The following RNASET2 variants were observed in gnomAD, a reference collection of about 807,000 sequenced individuals.
RNASET2 encodes ribonuclease T2.
In RNASET2, 28 loss-of-function variants were observed where a neutral mutation model predicts 33.9. That is an observed-to-expected ratio of 0.83 (90% CI 0.61 to 1.13). The LOEUF (loss-of-function observed/expected upper bound fraction) is 1.13. Among genes scored for constraint, RNASET2 ranks in the 50% most tolerant of loss-of-function variants. The pLI, the probability that RNASET2 is intolerant of heterozygous loss-of-function variation, is 0.00. For synonymous variants in RNASET2, 123 were observed against 121.0 expected (o/e 1.02, Z -0.11); for missense variants, 330 against 319.9 (o/e 1.03, Z -0.24).
At position 166,947,821 on chromosome 6, in the gene RNASET2, T is replaced by C. The variant is rs2128646551; in HGVS notation, c.203+749A>G. Among the ~76,000 whole-genome samples the C allele has an allele frequency of 2.6e-5, 4 of 152,344 alleles. 1 individual carries two copies. The highest frequency in any genetic ancestry group is 2.6e-4 in the Admixed American group (4 of 15,298). On this transcript the variant is annotated intron_variant, in intron 3 of 8. Transcript: ENST00000508775. ...CGGGTCCTTCAGATGGGGCGATTAA[T>C]GTGCACAGTTCAGCGTCACAAGTAT...
chr6:166,935,866 G>A (rs1408580438), intron 6 of RNASET2, among the ~76,000 whole-genome samples: 1 of 152,046 alleles, frequency 6.6e-6, no homozygotes, highest in Non-Finnish European at 1.5e-5. Context: ...TAGAGACGGG[G>A]GTTTCACCAT....
rs141130920 is a variant in RNASET2 at position 166,926,164 on chromosome 6, G to C, written c.*3424C>G. Among the ~76,000 whole-genome samples the C allele has an allele frequency of 6.6e-6, 1 of 152,222 alleles. No individual in the cohort carries two copies. The highest frequency in any genetic ancestry group is 2.4e-5 in the African/African-American group (1 of 41,536). On this transcript the variant is annotated 3_prime_UTR_variant, in exon 9 of 9. Transcript: ENST00000508775. ...GCAAAATTTTTTTAAAAAGTTTCCA[G>C]TTCACTTTGAGGTTTCTACCTGGAA...
chr6:166,930,899 C>T (rs1778420464), intron 8 of RNASET2, 145 bp downstream of exon 8: 3 of 728,272 alleles, frequency 4.1e-6, no homozygotes, highest in Admixed American at 3.8e-5. Context: ...CACACATGCA[C>T]ACACACACCA....
intron 4 of RNASET2, among the ~76,000 whole-genome samples, chr6:166,946,096 G>A (rs1778836205): frequency 6.6e-6 from 1 of 152,194 alleles, no homozygotes; most frequent in Non-Finnish European, 1.5e-5. Flanking sequence ...GACTCCGTAT[G>A]ACATATAAGG....
chr6:166,949,500 C>CAAAAAA (rs61621125), intron 2 of RNASET2, among the ~76,000 whole-genome samples: 37 of 44,284 alleles, frequency 8.4e-4, no homozygotes, highest in Non-Finnish European at 1.2e-3. Context: ...GACTCCATCT[C>CAAAAAA]AAAAAAAAAA....
At position 166,926,735 on chromosome 6, in the gene RNASET2, T is replaced by C. The variant is rs1020995419; in HGVS notation, c.*2853A>G. ...AGCAATAGCCCTGCTGAGAAGGGGC[T>C]GGTCTGAAGGAGTTTCATGGGAACC... On this transcript the variant is annotated 3_prime_UTR_variant, in exon 9 of 9. Coordinates refer to ENST00000508775, the MANE Select transcript of RNASET2 (RefSeq NM_003730.6). 6.6e-6 allele frequency among the ~76,000 whole-genome samples: 1 copy of C among 152,144 alleles called. No homozygotes were observed. The highest frequency in any genetic ancestry group is 1.5e-5 in the Non-Finnish European group (1 of 68,026).
At chr6:166,953,556 T>G (rs1048557089) in intron 1 of RNASET2, 1 of 152,340 alleles carries the variant, frequency 6.6e-6, no homozygotes, top group African/African-American at 2.4e-5. Context: ...AAAACTTAGT[T>G]GTACATTGGA....
intron 6 of RNASET2, 68 bp downstream of exon 6, chr6:166,938,827 A>G (rs755197808): frequency 9.0e-7 from 1 of 1,105,294 alleles, no homozygotes; most frequent in Non-Finnish European, 1.4e-6. Flanking sequence ...CCCTGGATCC[A>G]GCTGTCAGGC....
chr6:166,951,999 G>T (rs1334335131), intron 2 of RNASET2, among the ~76,000 whole-genome samples: 2 of 152,160 alleles, frequency 1.3e-5, no homozygotes, highest in African/African-American at 2.4e-5. Context: ...TCAAGAAAAG[G>T]TGATACCAGA....
At chr6:166,936,877 T>C (rs1778582864) in intron 6 of RNASET2, among the ~76,000 whole-genome samples, 2 of 152,228 alleles carry the variant, frequency 1.3e-5, no homozygotes. Flanking sequence ...AGATGATTGA[T>C]TTTAAAATTT....
In RNASET2 at chr6:166,926,330, G is replaced by A. The variant is rs1332008963; in HGVS notation, c.*3258C>T. On this transcript the variant is annotated 3_prime_UTR_variant, in exon 9 of 9. Coordinates refer to ENST00000508775, the MANE Select transcript of RNASET2 (RefSeq NM_003730.6). ...AGGCAGGCAGATCACCTGAGGTCAG[G>A]AGTTCCAGACCAGCCTGGCCAACAC... Among the ~76,000 whole-genome samples, 1 of 151,746 alleles carries A rather than the reference G, an allele frequency of 6.6e-6. No homozygotes were observed.
At chr6:166,943,218 A>C in intron 4 of RNASET2, 129 bp from the exon 5 acceptor site, 1 of 687,002 alleles carries the variant, frequency 1.5e-6, no homozygotes, top group East Asian at 2.9e-5. Context: ...GGTGAATAAA[A>C]TAATCCTATG....
chr6:166,932,545 C>T (rs1349516081), intron 7 of RNASET2: 6 of 152,274 alleles, frequency 3.9e-5, no homozygotes, highest in Admixed American at 2.0e-4. Context: ...ATGTCTGGGT[C>T]GGCAGCTCTC....
chr6:166,943,190 G>C (rs1778734804), intron 4 of RNASET2, 101 bp from the exon 5 acceptor site: 1 of 786,140 alleles, frequency 1.3e-6, no homozygotes, highest in Non-Finnish European at 2.2e-6. Flanking sequence ...ATTGAGCTCT[G>C]CTAATTAACA....
rs184803275 is a variant in RNASET2, at chr6:166,955,227, A to G, written c.86+870T>C. Among the ~76,000 whole-genome samples the G allele has an allele frequency of 1.4e-3, 81 of 58,480 alleles. 1 individual carries two copies. The highest frequency in any genetic ancestry group is 3.8e-3 in the South Asian group (4 of 1,040). The allele number at this position is 58,480 out of a possible 152,430, so 38.4% of individuals were successfully genotyped here. On this transcript the variant is annotated intron_variant, in intron 1 of 8. Coordinates refer to ENST00000508775, the MANE Select transcript of RNASET2 (RefSeq NM_003730.6). ...CACACACGCACGCACACACGCGCAC[A>G]CACGCACGCACGCACACACACGCAC...
chr6:166,950,289 G>T (rs759592580), intron 2 of RNASET2, among the ~76,000 whole-genome samples: 43 of 152,158 alleles, frequency 2.8e-4, no homozygotes, highest in Non-Finnish European at 5.3e-4. Flanking sequence ...CCCAACAATT[G>T]AAAGTTGATG....
intron 1 of RNASET2, among the ~76,000 whole-genome samples, chr6:166,954,779 C>T (rs926201036): frequency 2.0e-5 from 3 of 152,160 alleles, no homozygotes; most frequent in Non-Finnish European, 4.4e-5. Context: ...TTTGGGAGGC[C>T]GAGGCGGGCG....
In RNASET2 at chr6:166,929,551, T is replaced by C. The variant is rs1778367207; in HGVS notation, c.*37A>G. On this transcript the variant is annotated 3_prime_UTR_variant, in exon 9 of 9. Coordinates refer to ENST00000508775, the MANE Select transcript of RNASET2 (RefSeq NM_003730.6). ...GAAAGCTGCAGTTTGTGAATTTCTC[T>C]TGCTTTTTAAAACAGAATATTTCCA... 6.2e-7 allele frequency: 1 copy of C among 1,603,306 alleles called. No individual in the cohort carries two copies. The highest frequency in any genetic ancestry group is 8.5e-7 in the Non-Finnish European group (1 of 1,170,158).
Position 166,931,037 on chromosome 6 carries a change from G to A in RNASET2, c.567+7C>T. 6.2e-7 allele frequency: 1 copy of A among 1,601,362 alleles called. No individual in the cohort carries two copies. Among genetic ancestry groups the A allele is most frequent in the Non-Finnish European group, 8.6e-7 (1 of 1,168,386 alleles). On this transcript the variant is annotated splice_region_variant and intron_variant, in intron 8 of 8. Transcript: ENST00000508775. ...AAAAAAAGGAAGACAAAACATAACTGTCTAACCTGGCTTGGTGGAAGGCAC... is the reference window on the plus strand; with the variant it reads ...AAAAAAAGGAAGACAAAACATAACTATCTAACCTGGCTTGGTGGAAGGCAC...
Sources: gnomAD v4.1 joint callset for allele counts (sites outside exome capture counted in the v4.1 genomes callset) on GRCh38, gnomAD v4.1.1 for gene constraint, MANE v1.5 for transcripts, NCBI Gene and HGNC (gene_info 2026-07-23, HGNC 2026-07-21) for gene names.